The following ACACA variants were observed in gnomAD, a reference collection of about 807,000 sequenced individuals.
ACACA encodes the protein acetyl-CoA carboxylase alpha, also known as acetyl-CoA carboxylase 1.
A neutral mutation model predicts 296.1 loss-of-function variants in ACACA; 103 were observed. That is an observed-to-expected ratio of 0.35 (90% CI 0.30 to 0.41). The LOEUF is 0.41. ACACA is among the 10% of genes least tolerant of loss of function. ACACA has a pLI of 1.00. For synonymous variants in ACACA, 953 were observed against 1,038.6 expected (o/e 0.92, Z 1.58); for missense variants, 1,554 against 2,989.7 (o/e 0.52, Z 11.20).
chr17:37,330,521 C>T (rs2047827477), intron 2 of ACACA, 96 bp from the exon 3 acceptor site: 20 of 1,519,302 alleles, frequency 1.3e-5, no homozygotes, highest in Admixed American at 1.7e-5. Flanking sequence ...ATAGCTGAGA[C>T]GTGGAAGCAA....
chr17:37,365,681 A>G (rs1396412003), intron 1 of ACACA: 3 of 985,328 alleles, frequency 3.0e-6, no homozygotes, highest in Admixed American at 1.2e-4. Context: ...TCCAGAATTA[A>G]GAGCCTGAAG....
intron 24 of ACACA, among the ~76,000 whole-genome samples, chr17:37,239,197 T>C: frequency 6.6e-6 from 1 of 152,186 alleles, no homozygotes; most frequent in East Asian, 1.9e-4. Flanking sequence ...CAAATACTGT[T>C]GAATTTTGTA....
At chr17:37,248,991 T>TTA (rs2080851414) in intron 16 of ACACA, among the ~76,000 whole-genome samples, 1 of 152,228 alleles carries the variant, frequency 6.6e-6, no homozygotes, top group Non-Finnish European at 1.5e-5. Flanking sequence ...AGTGAAACTC[T>TTA]ACACCCATTA....
chr17:37,113,363 T>G lies in ACACA; in HGVS notation c.6275-98A>C. 1 of 1,296,106 alleles carries G rather than the reference T, an allele frequency of 7.7e-7. No homozygotes were observed. The highest frequency in any genetic ancestry group is 1.3e-5 in the South Asian group (1 of 79,534). The allele number at this position is 1,296,106 out of a possible 1,614,324, so 80.3% of individuals were successfully genotyped here. A position where few individuals can be genotyped will look rare whatever the true frequency, so the allele number is the denominator to read the frequency against. On this transcript the variant is annotated intron_variant, in intron 50 of 55. Coordinates refer to ENST00000616317, the MANE Select transcript of ACACA (RefSeq NM_198834.3). The surrounding 1 kb of genome is among the most constrained non-coding windows in gnomAD (Gnocchi z 4.0). ...GGACCTCTGGCCACGAAGAGCCTCC[T>G]TATACTATGCCTCCTGTTTGGCCAC...
intron 12 of ACACA, 115 bp from the exon 13 acceptor site, chr17:37,258,488 A>G: frequency 2.1e-6 from 2 of 969,268 alleles, no homozygotes; most frequent in South Asian, 2.9e-5. Flanking sequence ...AAAACATTCT[A>G]TTTTTATAAC....
At chr17:37,238,326 C>T (rs1459016799) in intron 24 of ACACA, among the ~76,000 whole-genome samples, 1 of 31,320 alleles carries the variant, frequency 3.2e-5, no homozygotes, top group Admixed American at 5.4e-4. Flanking sequence ...GTGCTGGTAT[C>T]ATTTATTGAA....
chr17:37,129,583 G>T (rs935439683), intron 46 of ACACA, 98 bp from the exon 47 acceptor site: 58 of 1,489,112 alleles, frequency 3.9e-5, no homozygotes, highest in Non-Finnish European at 4.9e-5. Flanking sequence ...CAGGGCCCAC[G>T]TATGGAATTG....
chr17:37,329,008 G>T, intron 3 of ACACA: 1 of 398,522 alleles, frequency 2.5e-6, no homozygotes. Flanking sequence ...ATGACCAAAG[G>T]TTAGTATCTC....
chr17:37,230,387 A>AAAATAAATAAAT (rs200006134), intron 25 of ACACA, among the ~76,000 whole-genome samples: 2 of 144,402 alleles, frequency 1.4e-5, no homozygotes, highest in East Asian at 2.0e-4. Context: ...TCCATCTCAA[A>AAAATAAATAAAT]AAATAAATAA....
At chr17:37,275,601 A>G (rs2082254210) in intron 8 of ACACA, among the ~76,000 whole-genome samples, 1 of 152,092 alleles carries the variant, frequency 6.6e-6, no homozygotes, top group Non-Finnish European at 1.5e-5. Flanking sequence ...ACTCCCAGGC[A>G]GGTCTGAAGA....
chr17:37,285,372 CA>C (rs1215683912), intron 3 of ACACA, among the ~76,000 whole-genome samples: 4 of 152,164 alleles, frequency 2.6e-5, no homozygotes, highest in South Asian at 2.1e-4. Flanking sequence ...TATAACTCCA[CA>C]TTTTAAAACT....
intron 1 of ACACA, among the ~76,000 whole-genome samples, chr17:37,346,701 C>CAAAAA (rs1233696565): frequency 8.2e-5 from 3 of 36,680 alleles, no homozygotes; most frequent in Non-Finnish European, 1.4e-4. Context: ...GACTCCATCT[C>CAAAAA]AAAAAAAAAA....
Position 37,087,289 on chromosome 17 carries a change from A to G in ACACA, c.*27T>C, listed in dbSNP as rs969982926. 1 of 1,613,850 alleles carries G rather than the reference A, an allele frequency of 6.2e-7. No homozygotes were observed. Among genetic ancestry groups the G allele is most frequent in the Non-Finnish European group, 8.5e-7 (1 of 1,180,020 alleles). ...AGCTCTAGCCCTTTTCTCCAGAGAC[A>G]GGGCAGGGACAGGCAGGAAGCTCTT... On this transcript the variant is annotated 3_prime_UTR_variant, in exon 56 of 56. Transcript: ENST00000616317.
At position 37,207,011 on chromosome 17, in the gene ACACA, G is replaced by A. The variant is rs1303951962; in HGVS notation, c.3852-132C>T. The A allele has an allele frequency of 1.8e-5, 15 of 823,942 alleles. No homozygotes were observed. In the African/African-American group the frequency reaches 2.6e-4, roughly 14 times the overall value. 51.0% of individuals were successfully genotyped at this position (823,942 alleles called of 1,614,324 possible). A position where few individuals can be genotyped will look rare whatever the true frequency, so the allele number is the denominator to read the frequency against. On this transcript the variant is annotated intron_variant, in intron 31 of 55. Coordinates refer to ENST00000616317, the MANE Select transcript of ACACA (RefSeq NM_198834.3). ...AATAGTTAATTGAATAGAATCACCA[G>A]TGGCTAGAGGTGACATGCAAAATTT...
intron 1 of ACACA, among the ~76,000 whole-genome samples, chr17:37,370,169 C>A (rs2147670566): frequency 6.6e-6 from 1 of 151,830 alleles, no homozygotes; most frequent in African/African-American, 2.4e-5. Flanking sequence ...CCATGCCCAT[C>A]TAATTTTTGT....
At chr17:37,379,302 G>C (rs140490381) in intron 1 of ACACA, 1 of 1,613,890 alleles carries the variant, frequency 6.2e-7, no homozygotes, top group Non-Finnish European at 8.5e-7. Flanking sequence ...GCTGCTCCCC[G>C]CAGAAACAGC....
intron 39 of ACACA, among the ~76,000 whole-genome samples, chr17:37,181,900 CAAAAAAAAAAAAAAAAAA>C (rs61045031): frequency 1.3e-4 from 3 of 22,238 alleles, no homozygotes; most frequent in African/African-American, 4.1e-4. Flanking sequence ...ACTCTGTATC[CAAAAAAAAAAAAAAAAAA>C]AAAAAAAAAA....
intron 9 of ACACA, among the ~76,000 whole-genome samples, chr17:37,273,442 C>A (rs2082149176): frequency 6.6e-6 from 1 of 152,194 alleles, no homozygotes; most frequent in Admixed American, 6.5e-5. Context: ...CACTTTCAGT[C>A]TTTCTTGGTT....
Position 37,202,379 on chromosome 17 carries a change from C to T in ACACA, c.4057-1896G>A, listed in dbSNP as rs557891702. Among the ~76,000 whole-genome samples the T allele has an allele frequency of 3.9e-5, 6 of 152,102 alleles. No individual in the cohort carries two copies. The South Asian group carries it at 1.2e-3, about 32-fold the overall frequency. On this transcript the variant is annotated intron_variant, in intron 33 of 55. Transcript: ENST00000616317. ...CAGCAAGTCCACAGCTATTACCCAG[C>T]GATTAGGCATCAGCACCTGGAGAAA...
Sources: allele counts gnomAD v4.1 joint callset (sites outside exome capture counted in the v4.1 genomes callset), GRCh38; gene constraint gnomAD v4.1.1; non-coding constraint Gnocchi (gnomAD v3.1); transcripts MANE v1.5; gene names NCBI Gene and HGNC (gene_info 2026-07-23, HGNC 2026-07-21).